The following PATL2 variants were observed in gnomAD, a reference collection of about 807,000 sequenced individuals.
PATL2 encodes protein PAT1 homolog 2.
PATL2 carries 73 observed loss-of-function variants against 77.0 expected under a neutral mutation model. The ratio of observed to expected loss-of-function variants is 0.95; its 90% CI spans 0.78 to 1.15. The LOEUF (loss-of-function observed/expected upper bound fraction) is 1.15. Among genes scored for constraint, PATL2 ranks in the 50% most tolerant of loss-of-function variants. The pLI is 0.00. For missense variants in PATL2, 618 were observed against 655.4 expected (o/e 0.94, Z 0.62); for synonymous variants, 265 against 257.1 (o/e 1.03, Z -0.29).
intron 3 of PATL2, among the ~76,000 whole-genome samples, chr15:44,705,113 T>C (rs1296095330): frequency 1.3e-5 from 2 of 152,212 alleles, no homozygotes; most frequent in Admixed American, 6.5e-5. Flanking sequence ...TGGGAAGGTC[T>C]TTGTTACTAT....
intron 7 of PATL2, 95 bp from the exon 8 acceptor site, chr15:44,672,551 T>A: frequency 8.2e-7 from 1 of 1,212,704 alleles, no homozygotes; most frequent in Non-Finnish European, 1.2e-6. Flanking sequence ...GATGGACATC[T>A]AAGGAACCTT....
rs374729545 is a variant in PATL2 at position 44,704,155 on chromosome 15, A to AT, written c.-76+5940dup. ...AGGTGAGTGCCACTATGTCTGGCTA[A>AT]TTTTTTTTTTTTTTTTTTGGTAGAG... On this transcript the variant is annotated intron_variant, in intron 3 of 17. Transcript: ENST00000682850. 6.3e-3 allele frequency among the ~76,000 whole-genome samples: 845 copies of AT among 134,048 alleles called. 23 individuals are homozygous for AT. In the East Asian group the frequency reaches 0.073, roughly 12 times the overall value. The allele number at this position is 134,048 out of a possible 152,430, so 87.9% of individuals were successfully genotyped here. A position where few individuals can be genotyped will look rare whatever the true frequency, so the allele number is the denominator to read the frequency against.
chr15:44,678,108 T>C (rs2086033745), intron 3 of PATL2, among the ~76,000 whole-genome samples: 1 of 152,188 alleles, frequency 6.6e-6, no homozygotes, highest in African/African-American at 2.4e-5. Flanking sequence ...TGCCTTGGCC[T>C]CCCAAAGGGC....
chr15:44,710,820 T>G (rs2141282596), intron 2 of PATL2, among the ~76,000 whole-genome samples, 51 bp downstream of exon 2: 1 of 151,822 alleles, frequency 6.6e-6, no homozygotes, highest in African/African-American at 2.4e-5. Context: ...TTAGTGGTCG[T>G]TTTTTTCTCC....
rs77918503 is a variant in PATL2 at position 44,675,649 on chromosome 15, A to G, written c.59T>C (p.Leu20Pro). 16,669 of 1,551,428 alleles carry G rather than the reference A, an allele frequency of 0.011. 1,047 individuals are homozygous for G. The African/African-American group carries it at 0.15, about 14-fold the overall frequency. ...TCGPLASEEE[L>P]VSACQLEKEE... ...TTTTTCCAACTGGCAGGCAGACACCAGCTCCTCCTCAGAAGCCAAGGGGCC... is the reference window on the plus strand; with the variant it reads ...TTTTTCCAACTGGCAGGCAGACACCGGCTCCTCCTCAGAAGCCAAGGGGCC... The change falls in exon 5 of 18, where the codon CTG becomes CCG. Residue 20 changes from leucine to proline, a missense_variant. Coordinates refer to ENST00000682850, the MANE Select transcript of PATL2 (RefSeq NM_001387263.1).
chr15:44,683,052 T>C (rs772673708), intron 3 of PATL2, among the ~76,000 whole-genome samples: 1 of 152,160 alleles, frequency 6.6e-6, no homozygotes, highest in Non-Finnish European at 1.5e-5. Flanking sequence ...GACGGTGCAC[T>C]CTGACCCAGA....
At chr15:44,699,719 GAT>G (rs2086589390) in intron 3 of PATL2, among the ~76,000 whole-genome samples, 3 of 152,160 alleles carry the variant, frequency 2.0e-5, no homozygotes, top group African/African-American at 4.8e-5. Flanking sequence ...TCTGCATATG[GAT>G]ATCCAGTTTT....
rs1411475298 is a variant in PATL2, at chr15:44,669,530, C to G, written c.910G>C (p.Val304Leu). 6.4e-7 allele frequency: 1 copy of G among 1,551,340 alleles called. No individual in the cohort carries two copies. The highest frequency in any genetic ancestry group is 2.0e-5 in the Admixed American group (1 of 50,952). ...CTCACCTTCTCAATCCGGTATAATA[C>G]CCGAAGCCTCTGACTGCTTGCAGCT... is the stretch of plus-strand genomic sequence containing the variant. ...IEAASSQRLR[V>L]LYRIEKMFLQ... Residue 304 changes from valine to leucine, a missense_variant, in exon 12 of 18, where the codon GTA (valine) becomes CTA (leucine). Val to Leu is a conservative substitution (Grantham distance 32). Transcript: ENST00000682850.
chr15:44,688,717 G>A (rs1229369628), intron 3 of PATL2, among the ~76,000 whole-genome samples: 5 of 152,030 alleles, frequency 3.3e-5, no homozygotes, highest in African/African-American at 1.2e-4. Flanking sequence ...AACTCAAGAT[G>A]GATTAAAGAC....
intron 3 of PATL2, among the ~76,000 whole-genome samples, chr15:44,689,091 GC>G (rs893332843): frequency 1.3e-5 from 2 of 152,174 alleles, no homozygotes; most frequent in African/African-American, 4.8e-5. Flanking sequence ...CATTTATGCA[GC>G]CAACAAACAT....
intron 3 of PATL2, among the ~76,000 whole-genome samples, chr15:44,682,114 A>G (rs752923053): frequency 3.9e-5 from 6 of 152,236 alleles, no homozygotes; most frequent in Non-Finnish European, 2.9e-5. Flanking sequence ...TGTGTATCTT[A>G]GCAGGTAATA....
chr15:44,679,562 T>C (rs2086086025), intron 3 of PATL2, among the ~76,000 whole-genome samples: 1 of 148,266 alleles, frequency 6.7e-6, no homozygotes, highest in Non-Finnish European at 1.5e-5. Flanking sequence ...CTTTTTTTTT[T>C]TTTTTTTTTT....
At chr15:44,671,197 G>A (rs2085656512) in intron 9 of PATL2, among the ~76,000 whole-genome samples, 1 of 152,084 alleles carries the variant, frequency 6.6e-6, no homozygotes, top group Non-Finnish European at 1.5e-5. Context: ...TGAGGTGAAA[G>A]TGAAACAGCC....
chr15:44,668,879 C>G, intron 14 of PATL2, 101 bp downstream of exon 14: 1 of 1,366,406 alleles, frequency 7.3e-7, no homozygotes, highest in Non-Finnish European at 9.7e-7. Context: ...CTGTGCCCAG[C>G]ACCTTCTCTG....
chr15:44,667,975 A>G (rs2085468031), intron 15 of PATL2, among the ~76,000 whole-genome samples: 1 of 152,164 alleles, frequency 6.6e-6, no homozygotes, highest in Non-Finnish European at 1.5e-5. Context: ...TTATGTACCT[A>G]TTATTACTAG....
In PATL2 at chr15:44,673,282, G is replaced by A; in HGVS notation, c.399C>T (p.Asp133=). The A allele has an allele frequency of 6.4e-7, 1 of 1,551,660 alleles. No homozygotes were observed. Among genetic ancestry groups the A allele is most frequent in the South Asian group, 1.2e-5 (1 of 84,064 alleles). Residue 133 remains aspartate, a synonymous_variant, in exon 7 of 18, where the codon GAC becomes GAT. Transcript: ENST00000682850. ...TCAGCAGGCTGCAGAAGAGAGTTGG[G>A]TCTGGTGAGGGCAGCCGAGGTCCAA... The part of the protein sequence containing the change: ...QHFGPRLPSP[D]PTLFCSLLTS...
At chr15:44,678,800 A>G (rs2086059415) in intron 3 of PATL2, among the ~76,000 whole-genome samples, 1 of 152,236 alleles carries the variant, frequency 6.6e-6, no homozygotes, top group South Asian at 2.1e-4. Flanking sequence ...TTTTTCTTAA[A>G]GAAAAAAAAT....
chr15:44,695,461 A>C (rs752192195), intron 3 of PATL2, among the ~76,000 whole-genome samples: 1 of 152,112 alleles, frequency 6.6e-6, no homozygotes, highest in African/African-American at 2.4e-5. Context: ...GGGAAAGTTC[A>C]TTTGCATAAT....
chr15:44,670,226 A>T (rs1018218183), intron 9 of PATL2, 139 bp from the exon 10 acceptor site: 3 of 1,220,748 alleles, frequency 2.5e-6, no homozygotes, highest in African/African-American at 3.1e-5. Context: ...TTGAGACAGC[A>T]TCTCCCTCTG....
Sources: allele counts gnomAD v4.1 joint callset (sites outside exome capture counted in the v4.1 genomes callset), GRCh38; gene constraint gnomAD v4.1.1; transcripts MANE v1.5; gene names NCBI Gene and HGNC (gene_info 2026-07-23, HGNC 2026-07-21).